The following NBPF8 variants were observed in gnomAD, a reference collection of about 807,000 sequenced individuals.
NBPF8 encodes the protein NBPF member 8, also known as NBPF family member NBPF8.
intron 1 of NBPF8, among the ~76,000 whole-genome samples, chr1:120,424,214 G>A (rs1346237116): frequency 0.48 from 72,992 of 150,712 alleles, 19,315 homozygotes; most frequent in African/African-American, 0.69. Context: ...TATTGTGTTC[G>A]TTTTGTGACA....
At chr1:120,420,223 C>A (rs1443766494) in intron 1 of NBPF8, among the ~76,000 whole-genome samples, 105 bp downstream of exon 2, 2 of 151,918 alleles carry the variant, frequency 1.3e-5, no homozygotes, top group South Asian at 2.1e-4. Flanking sequence ...CATCGCAGGG[C>A]CTTGCCTGGC....
chr1:120,415,353 G>T (rs1350925010), upstream of NBPF8, among the ~76,000 whole-genome samples: 1 of 151,780 alleles, frequency 6.6e-6, no homozygotes. Context: ...TGCGGCTGTC[G>T]CAAGTTTTGT....
At chr1:120,430,752 C>CAA (rs1160946903) in intron 3 of NBPF8, among the ~76,000 whole-genome samples, 169 of 40,746 alleles carry the variant, frequency 4.1e-3, no homozygotes, top group East Asian at 0.021. Flanking sequence ...GACTCTGTCT[C>CAA]AAAAAAAAAA....
chr1:120,466,021 C>T (rs1661737486), exon 25 of NBPF8: 2 of 1,611,958 alleles, frequency 1.2e-6, no homozygotes, highest in Non-Finnish European at 8.5e-7. Context: ...TGAAGTCTTA[C>T]AGGACTCACT....
exon 25 of NBPF8, chr1:120,466,306 T>A: frequency 6.4e-7 from 1 of 1,559,438 alleles, no homozygotes; most frequent in East Asian, 2.3e-5. Flanking sequence ...ATAGTTCCAT[T>A]TGGAAGCCCA....
chr1:120,468,428 G>C, downstream of NBPF8, among the ~76,000 whole-genome samples: 1 of 143,302 alleles, frequency 7.0e-6, no homozygotes, highest in East Asian at 2.0e-4. Flanking sequence ...CTCGATACAT[G>C]GATCGCATTA....
intron 1 of NBPF8, among the ~76,000 whole-genome samples, chr1:120,420,437 A>G (rs1660541945): frequency 7.8e-6 from 1 of 127,826 alleles, no homozygotes; most frequent in South Asian, 2.7e-4. Context: ...CTCTGCCCCC[A>G]TTTCCGTCTC....
exon 25 of NBPF8, chr1:120,466,546 T>C: frequency 3.0e-6 from 1 of 328,066 alleles, no homozygotes; most frequent in Non-Finnish European, 5.9e-6. Flanking sequence ...TCTGAGCTTC[T>C]ATACCTGCTC....
chr1:120,417,896 C>T (rs1354296314), upstream of NBPF8, among the ~76,000 whole-genome samples: 4 of 130,176 alleles, frequency 3.1e-5, no homozygotes, highest in Non-Finnish European at 4.9e-5. Flanking sequence ...CCACCCCACC[C>T]GGCTGTGATT....
At chr1:120,451,770 C>T (rs1436804838) in intron 12 of NBPF8, among the ~76,000 whole-genome samples, 24 of 147,902 alleles carry the variant, frequency 1.6e-4, no homozygotes, top group African/African-American at 4.8e-4. Context: ...ATCTAGTGGC[C>T]GCAAGATGCA....
chr1:120,415,222 G>A (rs1557924139), upstream of NBPF8, among the ~76,000 whole-genome samples: 1 of 152,218 alleles, frequency 6.6e-6, no homozygotes, highest in East Asian at 1.9e-4. Context: ...GCGCACGGAT[G>A]CCATCTGGAT....
At chr1:120,434,465 G>A (rs1182577200), upstream of NBPF8, among the ~76,000 whole-genome samples, 12 of 144,166 alleles carry the variant, frequency 8.3e-5, no homozygotes, top group South Asian at 2.2e-4. Flanking sequence ...CCATTAACTC[G>A]TCATTTACAT....
At chr1:120,466,259 G>C (rs1383485023) in exon 25 of NBPF8, 12 of 1,604,388 alleles carry the variant, frequency 7.5e-6, no homozygotes, top group Non-Finnish European at 1.0e-5. Context: ...ATTCCTGCAG[G>C]CAGGACCTAT....
chr1:120,434,352 ATATT>A (rs1394216519), upstream of NBPF8, among the ~76,000 whole-genome samples: 7 of 147,568 alleles, frequency 4.7e-5, no homozygotes, highest in East Asian at 3.9e-4. Flanking sequence ...GTGTGTGTAT[ATATT>A]ATATATACGT....
chr1:120,426,816 A>G (rs1306406911), intron 2 of NBPF8, among the ~76,000 whole-genome samples: 1 of 152,022 alleles, frequency 6.6e-6, no homozygotes, highest in Non-Finnish European at 1.5e-5. Flanking sequence ...GGACAGACAT[A>G]GAATAACAAC....
In NBPF8 at chr1:120,466,142, A is replaced by G. The variant is rs1440671405; in HGVS notation, n.3733A>G. ...GAACAGCACATCAGCTTTGCCCTTG[A>G]CATGGACAATAGGTTCTTTACTTTG... On this transcript the variant is annotated non_coding_transcript_exon_variant, in exon 25 of 25. Coordinates refer to ENST00000583271, the Ensembl canonical transcript of NBPF8. 7 of 1,610,320 alleles carry G rather than the reference A, an allele frequency of 4.3e-6. No individual in the cohort carries two copies. In the East Asian group the frequency reaches 1.6e-4, roughly 36 times the overall value.
At chr1:120,415,660 G>A (rs1660415063), upstream of NBPF8, among the ~76,000 whole-genome samples, 2 of 152,330 alleles carry the variant, frequency 1.3e-5, no homozygotes, top group South Asian at 4.1e-4. Context: ...GAGACCACTC[G>A]CGCCCCTGAC....
intron 3 of NBPF8, among the ~76,000 whole-genome samples, chr1:120,428,652 C>T (rs1660787639): frequency 6.6e-6 from 1 of 152,152 alleles, no homozygotes; most frequent in South Asian, 2.1e-4. Flanking sequence ...CCGACAGTGG[C>T]TGATGCTGCC....
In NBPF8 at chr1:120,453,726, C is replaced by A. The variant is rs1553249284; in HGVS notation, n.2363-183C>A. On this transcript the variant is annotated intron_variant and non_coding_transcript_variant, in intron 14 of 24. Coordinates refer to ENST00000583271, the Ensembl canonical transcript of NBPF8. ...GCAGCTGCTCTCTTCCTCTCTGGTT[C>A]CCATGGCAGCCATGCTCTGTTGCAG... Among the ~76,000 whole-genome samples the A allele has an allele frequency of 4.7e-5, 7 of 148,888 alleles. No homozygotes were observed. In the East Asian group the frequency reaches 1.2e-3, roughly 25 times the overall value.
Sources: gnomAD v4.1 joint callset for allele counts (sites outside exome capture counted in the v4.1 genomes callset) on GRCh38, gnomAD v4.1.1 for gene constraint, MANE v1.5 for transcripts, NCBI Gene and HGNC (gene_info 2026-07-23, HGNC 2026-07-21) for gene names.